Variants in APBA2 observed in about 807,000 individuals in gnomAD.
APBA2 encodes the protein amyloid beta precursor protein binding family A member 2, also known as amyloid-beta A4 precursor protein-binding family A member 2.
In APBA2, 30 loss-of-function variants were observed where a neutral mutation model predicts 75.0. The observed-to-expected ratio is 0.40, with a 90% CI of 0.30 to 0.54. The LOEUF (loss-of-function observed/expected upper bound fraction) is 0.54. Ranked by LOEUF, APBA2 falls within the 20% of genes least tolerant of loss-of-function variation. APBA2 has a pLI of 0.49. For synonymous variants in APBA2, 444 were observed against 409.6 expected, an observed-to-expected ratio of 1.08 and a Z score of -1.01; for missense variants, 801 against 1,016.1, an observed-to-expected ratio of 0.79 and a Z score of 2.88.
chr15:29,093,302 C>T, intron 7 of APBA2, 82 bp downstream of exon 7: 2 of 1,561,160 alleles, frequency 1.3e-6, no homozygotes, highest in Non-Finnish European at 8.7e-7. Context: ...GGGGCGTAGG[C>T]CCTCTTCCAG....
chr15:28,891,116 G>T (rs1217687944), intron 1 of APBA2, among the ~76,000 whole-genome samples: 1 of 152,222 alleles, frequency 6.6e-6, no homozygotes, highest in African/African-American at 2.4e-5. Flanking sequence ...AGATGGTTTT[G>T]ATGGCGAAAC....
chr15:28,954,416 C>T (rs1233581823), intron 2 of APBA2, among the ~76,000 whole-genome samples: 2 of 152,180 alleles, frequency 1.3e-5, no homozygotes, highest in Non-Finnish European at 2.9e-5. Flanking sequence ...CTCTATCCTG[C>T]AAAATCCTGC....
intron 2 of APBA2, among the ~76,000 whole-genome samples, chr15:28,922,054 G>C (rs2034001304): frequency 6.6e-6 from 1 of 152,188 alleles, no homozygotes; most frequent in Non-Finnish European, 1.5e-5. Flanking sequence ...TCCTGTCCCT[G>C]GAGTGCCCCA....
chr15:29,072,603 G>T (rs2042672718), intron 4 of APBA2, among the ~76,000 whole-genome samples: 1 of 152,120 alleles, frequency 6.6e-6, no homozygotes, highest in African/African-American at 2.4e-5. Context: ...CTTGGTCAGT[G>T]CAGGGTCTAC....
intron 3 of APBA2, among the ~76,000 whole-genome samples, chr15:29,053,610 G>A (rs995703472): frequency 2.6e-5 from 4 of 152,056 alleles, no homozygotes; most frequent in Admixed American, 1.3e-4. Context: ...GTGAGTTGCC[G>A]GTGCCTCCCT....
At chr15:28,971,097 T>C (rs943491066) in intron 2 of APBA2, among the ~76,000 whole-genome samples, 3 of 152,150 alleles carry the variant, frequency 2.0e-5, no homozygotes, top group African/African-American at 7.2e-5. Context: ...TTCATTTCAT[T>C]TTATGTCACT....
chr15:28,993,711 G>A (rs2038358203), intron 2 of APBA2, among the ~76,000 whole-genome samples: 2 of 152,204 alleles, frequency 1.3e-5, no homozygotes, highest in South Asian at 4.1e-4. Context: ...GGGCTTCTGG[G>A]GGATGCACAT....
chr15:29,025,950 C>CAA (rs60211119), intron 3 of APBA2, among the ~76,000 whole-genome samples: 6 of 117,348 alleles, frequency 5.1e-5, no homozygotes, highest in Non-Finnish European at 7.8e-5. Context: ...GACTCCGACT[C>CAA]AAAAAAAAAA....
chr15:29,003,009 G>T (rs758326185), intron 3 of APBA2, among the ~76,000 whole-genome samples: 1 of 152,156 alleles, frequency 6.6e-6, no homozygotes, highest in Non-Finnish European at 1.5e-5. Context: ...AGGAAGCAGC[G>T]TGGCTGGTCT....
intron 3 of APBA2, among the ~76,000 whole-genome samples, chr15:29,042,749 T>C (rs1247897483): frequency 2.6e-5 from 4 of 152,120 alleles, no homozygotes; most frequent in African/African-American, 9.7e-5. Context: ...AAGCAGACTT[T>C]TCCCCCTCGA....
chr15:28,970,714 G>A (rs2037018973), intron 2 of APBA2, among the ~76,000 whole-genome samples: 1 of 151,022 alleles, frequency 6.6e-6, no homozygotes, highest in African/African-American at 2.4e-5. Context: ...AATTTCATAT[G>A]GTATGAGGGA....
chr15:29,068,824 C>T (rs1167802578), intron 4 of APBA2, among the ~76,000 whole-genome samples: 1 of 152,218 alleles, frequency 6.6e-6, no homozygotes, highest in Admixed American at 6.5e-5. Flanking sequence ...CCTTAGAGGG[C>T]TCTCTTTACT....
chr15:28,952,076 T>G (rs1470147939), intron 2 of APBA2, among the ~76,000 whole-genome samples: 1 of 151,844 alleles, frequency 6.6e-6, no homozygotes, highest in Non-Finnish European at 1.5e-5. Context: ...CCATAGCTTT[T>G]TTTTGAATGC....
chr15:28,899,419 CTCTT>C (rs2032713656), intron 1 of APBA2, among the ~76,000 whole-genome samples: 1 of 152,252 alleles, frequency 6.6e-6, no homozygotes, highest in Non-Finnish European at 1.5e-5. Context: ...AGGAGAGAGA[CTCTT>C]TGTCTGACGA....
intron 1 of APBA2, among the ~76,000 whole-genome samples, chr15:28,893,492 C>G (rs1322004710): frequency 6.6e-6 from 1 of 152,220 alleles, no homozygotes; most frequent in Non-Finnish European, 1.5e-5. Flanking sequence ...TTCTGAGCCC[C>G]TGAGGCAGGA....
intron 10 of APBA2, among the ~76,000 whole-genome samples, chr15:29,103,593 A>C (rs1040059230): frequency 1.3e-5 from 2 of 152,190 alleles, no homozygotes; most frequent in Admixed American, 6.5e-5. Context: ...TGACACCGGA[A>C]GGAGGCGCAG....
chr15:29,101,248 A>G (rs2044105503), intron 9 of APBA2, among the ~76,000 whole-genome samples: 1 of 145,648 alleles, frequency 6.9e-6, no homozygotes, highest in Non-Finnish European at 1.5e-5. Flanking sequence ...TTTTTTTTTG[A>G]GACGGAGTTT....
intron 2 of APBA2, chr15:28,990,537 G>A (rs2038174305): frequency 6.6e-6 from 1 of 152,164 alleles, no homozygotes; most frequent in South Asian, 2.1e-4. Flanking sequence ...TTGTCCTGAG[G>A]GCAAATTTCT....
At chr15:29,096,082 C>T (rs943439831) in intron 8 of APBA2, among the ~76,000 whole-genome samples, 6 of 148,228 alleles carry the variant, frequency 4.0e-5, no homozygotes, top group African/African-American at 1.2e-4. Context: ...CATTTAATTA[C>T]GGTTTGTTCT....
Sources: gnomAD v4.1 joint callset for allele counts (sites outside exome capture counted in the v4.1 genomes callset) on GRCh38, gnomAD v4.1.1 for gene constraint, MANE v1.5 for transcripts, NCBI Gene and HGNC (gene_info 2026-07-23, HGNC 2026-07-21) for gene names.